ADAM19: variants seen among roughly 807,000 people sequenced by gnomAD.
ADAM19 encodes the protein ADAM metallopeptidase domain 19.
ADAM19 carries 65 observed loss-of-function variants against 114.7 expected under a neutral mutation model. The observed-to-expected ratio is 0.57, with a 90% CI of 0.46 to 0.70. The LOEUF (loss-of-function observed/expected upper bound fraction) is 0.70. Among genes scored for constraint, ADAM19 ranks in the 30% least tolerant of loss-of-function variants. ADAM19 has a pLI of 0.00. For missense variants in ADAM19, 1,063 were observed against 1,204.7 expected (o/e 0.88, Z 1.74); for synonymous variants, 466 against 460.5 (o/e 1.01, Z -0.15).
In ADAM19 at chr5:157,493,094, A is replaced by T. The variant is rs1399125707; in HGVS notation, c.1787T>A (p.Ile596Asn). The change falls in exon 16 of 23, where the codon ATC becomes AAC. Residue 596 changes from isoleucine to asparagine, a missense_variant. Physicochemically the swap from Ile to Asn is moderately radical, Grantham distance 149. Transcript: ENST00000257527. ...ESNAVPIDTT[I>N]IMNGRQIQCR... ...CTGGATCTGCCTCCCATTCATGATG[A>T]TAGTGGTGTCAATGGGCACCGCGTT... 1.2e-6 allele frequency: 2 copies of T among 1,614,198 alleles called. No homozygotes were observed. Among genetic ancestry groups the T allele is most frequent in the Non-Finnish European group, 1.7e-6 (2 of 1,180,038 alleles).
chr5:157,531,837 C>T (rs889361055), intron 4 of ADAM19, among the ~76,000 whole-genome samples: 19 of 151,998 alleles, frequency 1.3e-4, no homozygotes, highest in Non-Finnish European at 1.5e-5. Flanking sequence ...AAGTTGCAAG[C>T]CAAGGAACAC....
intron 1 of ADAM19, among the ~76,000 whole-genome samples, chr5:157,571,374 C>T (rs572771396): frequency 1.3e-5 from 2 of 152,142 alleles, no homozygotes; most frequent in East Asian, 1.9e-4. Context: ...GGGAAGAGTG[C>T]CCCAGGTAGA....
chr5:157,558,854 T>A (rs1186967641), intron 3 of ADAM19, among the ~76,000 whole-genome samples: 1 of 152,238 alleles, frequency 6.6e-6, no homozygotes, highest in African/African-American at 2.4e-5. Context: ...ATTCTGCCCT[T>A]CCTCAATTCC....
At chr5:157,546,850 CCTT>C (rs1757064674) in intron 3 of ADAM19, among the ~76,000 whole-genome samples, 1 of 152,204 alleles carries the variant, frequency 6.6e-6, no homozygotes, top group East Asian at 1.9e-4. Flanking sequence ...CCCCATTTCT[CCTT>C]CAACCGGCTG....
At chr5:157,516,354 T>C (rs1392598913) in intron 7 of ADAM19, among the ~76,000 whole-genome samples, 1 of 152,202 alleles carries the variant, frequency 6.6e-6, no homozygotes, top group Non-Finnish European at 1.5e-5. Context: ...CTCTCCTTTG[T>C]AAGAGAAAGA....
At chr5:157,549,446 G>C (rs951589334) in intron 3 of ADAM19, among the ~76,000 whole-genome samples, 1 of 152,102 alleles carries the variant, frequency 6.6e-6, no homozygotes, top group Non-Finnish European at 1.5e-5. Flanking sequence ...CTTTGATCCA[G>C]ACCAAACATT....
intron 3 of ADAM19, among the ~76,000 whole-genome samples, chr5:157,553,577 CA>C (rs2113781625): frequency 6.6e-6 from 1 of 152,196 alleles, no homozygotes; most frequent in East Asian, 1.9e-4. Flanking sequence ...TACAACTTGT[CA>C]AAATTTAAAA....
chr5:157,491,154 G>T lies in ADAM19; in HGVS notation c.2095+461C>A, dbSNP rs11466794. ...TATTTTTTTTAAAAAAAAAACTTTA[G>T]AAATCATAGTGCTAGAATCCTTGAG... On this transcript the variant is annotated intron_variant, in intron 18 of 22. Coordinates refer to ENST00000257527, the MANE Select transcript of ADAM19 (RefSeq NM_033274.5). 2.9e-3 allele frequency among the ~76,000 whole-genome samples: 434 copies of T among 151,096 alleles called. 3 individuals are homozygous for T. Among genetic ancestry groups the T allele is most frequent in the African/African-American group, 9.9e-3 (405 of 41,090 alleles).
At chr5:157,509,767 G>T (rs530729371) in intron 8 of ADAM19, among the ~76,000 whole-genome samples, 1 of 152,164 alleles carries the variant, frequency 6.6e-6, no homozygotes, top group Admixed American at 6.5e-5. Context: ...CAGTGACTTT[G>T]TTTAGAGATG....
At chr5:157,537,213 C>T (rs901418521) in intron 4 of ADAM19, among the ~76,000 whole-genome samples, 1 of 152,190 alleles carries the variant, frequency 6.6e-6, no homozygotes, top group Admixed American at 6.5e-5. Flanking sequence ...ACGTTCTGAG[C>T]CTACAAATTC....
intron 3 of ADAM19, among the ~76,000 whole-genome samples, chr5:157,560,834 A>C (rs946923079): frequency 6.6e-6 from 1 of 152,268 alleles, no homozygotes; most frequent in Non-Finnish European, 1.5e-5. Flanking sequence ...TACAATGAGC[A>C]TGCTTTGCTT....
Position 157,479,103 on chromosome 5 carries a change from TCCACAGCAAGGATGAC to T in ADAM19, c.*1830_*1845del, listed in dbSNP as rs977259727. 69 of 985,634 alleles carry T rather than the reference TCCACAGCAAGGATGAC, an allele frequency of 7.0e-5. No individual in the cohort carries two copies. In the South Asian group the frequency reaches 9.9e-4, roughly 14 times the overall value. The allele number at this position is 985,634 out of a possible 1,614,324, so 61.1% of individuals were successfully genotyped here. A position where few individuals can be genotyped will look rare whatever the true frequency, so the allele number is the denominator to read the frequency against. ...CCACAGGAAAGGTGGGGAATGGATC[TCCACAGCAAGGATGAC>T]CCACAGCAAGGATGACCCACGGCAA... On this transcript the variant is annotated 3_prime_UTR_variant, in exon 23 of 23. Transcript: ENST00000257527.
At chr5:157,482,004 C>A in intron 21 of ADAM19, 61 bp from the exon 22 acceptor site, 1 of 1,331,174 alleles carries the variant, frequency 7.5e-7, no homozygotes, top group East Asian at 2.4e-5. Context: ...GAAAATATCC[C>A]TGATATCTTA....
intron 2 of ADAM19, among the ~76,000 whole-genome samples, chr5:157,566,960 C>T (rs1757681175): frequency 1.3e-5 from 2 of 152,216 alleles, no homozygotes; most frequent in African/African-American, 4.8e-5. Flanking sequence ...ATGTGAGCCA[C>T]CTCATCCAGC....
chr5:157,507,124 C>A lies in ADAM19; in HGVS notation c.922G>T (p.Gly308Cys). The change falls in exon 10 of 23, where the codon GGC becomes TGC. Residue 308 changes from glycine to cysteine, a missense_variant. Physicochemically the swap from Gly to Cys is radical, Grantham distance 159. Coordinates refer to ENST00000257527, the MANE Select transcript of ADAM19 (RefSeq NM_033274.5). ...AQLITGMSFH[G>C]TTIGLAPLMA... is the part of the protein sequence containing the mutation. ...AGGGGGGCCAGGCCGATGGTGGTGCCGTGGAAGGACATGCCCCTGCAGGAG... is the reference window on the plus strand; with the variant it reads ...AGGGGGGCCAGGCCGATGGTGGTGCAGTGGAAGGACATGCCCCTGCAGGAG... The A allele has an allele frequency of 6.2e-7, 1 of 1,613,930 alleles. No homozygotes were observed. Among genetic ancestry groups the A allele is most frequent in the South Asian group, 1.1e-5 (1 of 91,070 alleles).
In ADAM19 at chr5:157,507,271, G is replaced by A. The variant is rs1489889339; in HGVS notation, c.906-131C>T. Reference sequence around the variant, plus strand: ...TTCCCAGGTCATTCCCAAGGGGAGAGGCCCTTGTAACCAGGCCAACTGGAC... The same window carrying A: ...TTCCCAGGTCATTCCCAAGGGGAGAAGCCCTTGTAACCAGGCCAACTGGAC... On this transcript the variant is annotated intron_variant, in intron 9 of 22. Coordinates refer to ENST00000257527, the MANE Select transcript of ADAM19 (RefSeq NM_033274.5). 6 of 820,688 alleles carry A rather than the reference G, an allele frequency of 7.3e-6. No homozygotes were observed. The African/African-American group carries it at 1.0e-4, about 14-fold the overall frequency. The allele number at this position is 820,688 out of a possible 1,614,324, so 50.8% of individuals were successfully genotyped here. A position where few individuals can be genotyped will look rare whatever the true frequency, so the allele number is the denominator to read the frequency against.
intron 3 of ADAM19, among the ~76,000 whole-genome samples, chr5:157,559,130 T>C (rs1057216245): frequency 6.6e-6 from 1 of 152,208 alleles, no homozygotes; most frequent in Non-Finnish European, 1.5e-5. Flanking sequence ...ACAATTGCTG[T>C]TCCCCAGGTG....
Position 157,479,008 on chromosome 5 carries a change from TG to T in ADAM19, c.*1940del, listed in dbSNP as rs1754672814. The T allele has an allele frequency of 1.0e-6, 1 of 984,668 alleles. No homozygotes were observed. The highest frequency in any genetic ancestry group is 1.7e-5 in the African/African-American group (1 of 57,192). The allele number at this position is 984,668 out of a possible 1,614,324, so 61.0% of individuals were successfully genotyped here. A position where few individuals can be genotyped will look rare whatever the true frequency, so the allele number is the denominator to read the frequency against. ...TGTTTTGCAGAGGGGTGAAAGGGGA[TG>T]TTTTCACCTTTACTTTCCAGGAACC... is the stretch of plus-strand genomic sequence containing the variant. On this transcript the variant is annotated 3_prime_UTR_variant, in exon 23 of 23. Coordinates refer to ENST00000257527, the MANE Select transcript of ADAM19 (RefSeq NM_033274.5).
At chr5:157,542,496 G>T (rs1756942928) in intron 3 of ADAM19, among the ~76,000 whole-genome samples, 1 of 152,316 alleles carries the variant, frequency 6.6e-6, no homozygotes, top group Non-Finnish European at 1.5e-5. Context: ...GATGACTATG[G>T]TTCCTCTCAA....
Sources: gnomAD v4.1 joint callset for allele counts (sites outside exome capture counted in the v4.1 genomes callset) on GRCh38, gnomAD v4.1.1 for gene constraint, MANE v1.5 for transcripts, NCBI Gene and HGNC (gene_info 2026-07-23, HGNC 2026-07-21) for gene names.